Variants in GRID2 observed in about 807,000 individuals in gnomAD.
GRID2 encodes glutamate ionotropic receptor delta type subunit 2.
GRID2 carries 33 observed loss-of-function variants against 114.8 expected under a neutral mutation model. That is an observed-to-expected ratio of 0.29 (90% CI 0.22 to 0.38). GRID2 has a LOEUF of 0.38. Among genes scored for constraint, GRID2 ranks in the 10% least tolerant of loss-of-function variants. The pLI, the probability that GRID2 is intolerant of heterozygous loss-of-function variation, is 1.00. For synonymous variants in GRID2, 505 were observed against 449.9 expected, an observed-to-expected ratio of 1.12 and a Z score of -1.55; for missense variants, 1,184 against 1,257.7, an observed-to-expected ratio of 0.94 and a Z score of 0.89.
chr4:93,647,853 A>G, intron 14 of GRID2, among the ~76,000 whole-genome samples: 1 of 152,192 alleles, frequency 6.6e-6, no homozygotes, highest in East Asian at 1.9e-4. Context: ...ACCCACAATA[A>G]AATAGCTATC....
intron 8 of GRID2, among the ~76,000 whole-genome samples, chr4:93,350,546 G>A (rs1416026917): frequency 2.6e-5 from 4 of 152,054 alleles, no homozygotes; most frequent in Admixed American, 6.6e-5. Flanking sequence ...CAAAAAGCTT[G>A]AGAAGTAGAT....
chr4:92,375,318 C>G (rs1349320090), intron 1 of GRID2, among the ~76,000 whole-genome samples: 2 of 152,104 alleles, frequency 1.3e-5, no homozygotes, highest in Non-Finnish European at 2.9e-5. Flanking sequence ...TTTGCAGGTG[C>G]TAAAAGAAGT....
intron 1 of GRID2, among the ~76,000 whole-genome samples, chr4:92,471,764 C>A (rs1171996226): frequency 6.6e-6 from 1 of 152,030 alleles, no homozygotes; most frequent in Non-Finnish European, 1.5e-5. Context: ...ACCCACACTT[C>A]CTGACTGCAA....
intron 2 of GRID2, among the ~76,000 whole-genome samples, chr4:92,827,813 A>C (rs1373446926): frequency 6.6e-6 from 1 of 152,094 alleles, no homozygotes; most frequent in East Asian, 1.9e-4. Context: ...TTTATGTTTC[A>C]AATTATTTAA....
chr4:92,911,632 T>A (rs182930250), intron 2 of GRID2, among the ~76,000 whole-genome samples: 1 of 152,050 alleles, frequency 6.6e-6, no homozygotes, highest in Admixed American at 6.6e-5. Flanking sequence ...TGGTGTGTCA[T>A]GAAGAAAATA....
At chr4:93,148,016 T>TAG (rs1291571394) in intron 4 of GRID2, among the ~76,000 whole-genome samples, 7 of 152,206 alleles carry the variant, frequency 4.6e-5, no homozygotes, top group African/African-American at 1.7e-4. Context: ...GCCTGGTACA[T>TAG]AGCAAGTGCT....
chr4:93,782,900 C>T (rs1227233939), intron 1 of GRID2, among the ~76,000 whole-genome samples: 1 of 145,476 alleles, frequency 6.9e-6, no homozygotes, highest in Non-Finnish European at 1.5e-5. Context: ...CATACACACA[C>T]ACACACACAC....
chr4:93,268,338 T>G lies in GRID2; in HGVS notation c.1245+29848T>G, dbSNP rs187481075. Among the ~76,000 whole-genome samples, 201 of 152,270 alleles carry G rather than the reference T, an allele frequency of 1.3e-3. 1 individual carries two copies. The highest frequency in any genetic ancestry group is 4.7e-3 in the African/African-American group (196 of 41,568). On this transcript the variant is annotated intron_variant, in intron 8 of 15. Transcript: ENST00000282020. ...GAGAATGAGCTTTTTGGTCTCATCT[T>G]ATAGGGACACCAATCCTGTTGATCG...
chr4:93,660,046 C>G (rs1241076359), intron 14 of GRID2, among the ~76,000 whole-genome samples: 2 of 150,758 alleles, frequency 1.3e-5, no homozygotes, highest in African/African-American at 4.9e-5. Flanking sequence ...GGGTTGGAGG[C>G]TTTTCTAAAA....
intron 13 of GRID2, among the ~76,000 whole-genome samples, chr4:93,614,338 C>G (rs542948178): frequency 3.3e-5 from 5 of 152,258 alleles, no homozygotes; most frequent in South Asian, 4.1e-4. Flanking sequence ...GCTCCTCCCC[C>G]CTGAAAATTA....
rs865780484 is a variant in GRID2 at position 93,388,517 on chromosome 4, G to T, written c.1246-7090G>T. ...AGGGTTATGCCTTACTCAAGAAACCGTAGGAAGACTCATATGATTTGAATT... is the reference window on the plus strand; with the variant it reads ...AGGGTTATGCCTTACTCAAGAAACCTTAGGAAGACTCATATGATTTGAATT... On this transcript the variant is annotated intron_variant, in intron 8 of 15. Transcript: ENST00000282020. 3.3e-5 allele frequency among the ~76,000 whole-genome samples: 5 copies of T among 152,238 alleles called. No homozygotes were observed. The East Asian group carries it at 7.7e-4, about 23-fold the overall frequency.
At chr4:92,586,504 C>G (rs1029041093) in intron 1 of GRID2, among the ~76,000 whole-genome samples, 1 of 151,634 alleles carries the variant, frequency 6.6e-6, no homozygotes, top group East Asian at 1.9e-4. Context: ...TATTTAAATA[C>G]CTTTCTAAAA....
chr4:92,626,848 T>G (rs1345244271), intron 2 of GRID2, among the ~76,000 whole-genome samples: 1 of 151,886 alleles, frequency 6.6e-6, no homozygotes, highest in East Asian at 1.9e-4. Context: ...AAGTATAAAA[T>G]AGGTATGGTT....
chr4:93,786,265 T>C (rs1734590401), intron 1 of GRID2, among the ~76,000 whole-genome samples: 1 of 151,962 alleles, frequency 6.6e-6, no homozygotes, highest in Non-Finnish European at 1.5e-5. Flanking sequence ...GAAGAATAAG[T>C]GGAAGGACAC....
intron 1 of GRID2, among the ~76,000 whole-genome samples, chr4:93,780,097 G>A (rs1397431159): frequency 2.6e-5 from 4 of 152,202 alleles, no homozygotes; most frequent in South Asian, 4.1e-4. Flanking sequence ...TGAAGGATTA[G>A]TCTATTGGGA....
At chr4:92,318,507 CTTTT>C (rs34235006) in intron 1 of GRID2, among the ~76,000 whole-genome samples, 2 of 64,406 alleles carry the variant, frequency 3.1e-5, no homozygotes, top group Non-Finnish European at 5.5e-5. Flanking sequence ...TATGCCAGGA[CTTTT>C]TTTTTTTTTT....
intron 2 of GRID2, among the ~76,000 whole-genome samples, chr4:93,052,451 C>T (rs147793439): frequency 3.6e-4 from 55 of 151,932 alleles, no homozygotes; most frequent in African/African-American, 1.3e-3. Context: ...CCCATTATTG[C>T]CAGGGTTATA....
chr4:93,109,045 A>G (rs1176499223), intron 3 of GRID2, among the ~76,000 whole-genome samples: 7 of 152,322 alleles, frequency 4.6e-5, no homozygotes, highest in Non-Finnish European at 1.0e-4. Flanking sequence ...TCTGCTTAGT[A>G]TGTACATAGT....
At chr4:93,757,381 A>G (rs1445950006) in intron 14 of GRID2, among the ~76,000 whole-genome samples, 1 of 152,116 alleles carries the variant, frequency 6.6e-6, no homozygotes. Flanking sequence ...TTCCTGCTGG[A>G]CTTTTGCACA....
Sources: gnomAD v4.1 joint callset for allele counts (sites outside exome capture counted in the v4.1 genomes callset) on GRCh38, gnomAD v4.1.1 for gene constraint, MANE v1.5 for transcripts, NCBI Gene and HGNC (gene_info 2026-07-23, HGNC 2026-07-21) for gene names.